Variants in DNAH3 observed in about 807,000 individuals in gnomAD.
DNAH3 encodes the protein axonemal beta dynein heavy chain 3.
Under a neutral mutation model 432.5 loss-of-function variants are expected in DNAH3, and 332 were observed. That is an observed-to-expected ratio of 0.77 (90% CI 0.70 to 0.84). The LOEUF is 0.84. DNAH3 is among the 40% of genes least tolerant of loss of function. DNAH3 has a pLI of 0.00. For missense variants in DNAH3, 4,861 were observed against 5,114.0 expected (o/e 0.95, Z 1.51); for synonymous variants, 1,956 against 1,900.2 (o/e 1.03, Z -0.76).
At chr16:20,972,269 C>T (rs938692732) in intron 51 of DNAH3, among the ~76,000 whole-genome samples, 4 of 151,092 alleles carry the variant, frequency 2.6e-5, no homozygotes, top group African/African-American at 4.9e-5. Flanking sequence ...GATCTTACTC[C>T]GTTGTCCAGG....
chr16:21,100,484 A>G (rs947181352), intron 16 of DNAH3, among the ~76,000 whole-genome samples: 1 of 152,154 alleles, frequency 6.6e-6, no homozygotes, highest in Non-Finnish European at 1.5e-5. Flanking sequence ...TCATTCATTC[A>G]CTCATTAAAA....
chr16:21,106,502 C>T, exon 15 of DNAH3: 1 of 1,604,008 alleles, frequency 6.2e-7, no homozygotes, highest in Non-Finnish European at 8.5e-7. Context: ...GGCAAGTCTG[C>T]ATAGTCCATC....
intron 42 of DNAH3, among the ~76,000 whole-genome samples, chr16:21,001,414 CAG>C (rs1275780320): frequency 3.3e-5 from 5 of 152,178 alleles, no homozygotes; most frequent in Non-Finnish European, 5.9e-5. Flanking sequence ...TGTACAACTA[CAG>C]AGAGTACCAT....
rs1235377286 is a variant in DNAH3 at position 21,022,119 on chromosome 16, A to G, written c.5647-19T>C. On this transcript the variant is annotated intron_variant, in intron 39 of 61. Transcript: ENST00000261383. ...CATTGACCTGAGAGTAGAAACCTCC[A>G]TGAGACTTGGAGACATGATCAACAA... is the stretch of plus-strand genomic sequence containing the variant. 2 of 1,613,440 alleles carry G rather than the reference A, an allele frequency of 1.2e-6. No homozygotes were observed. The highest frequency in any genetic ancestry group is 1.7e-6 in the Non-Finnish European group (2 of 1,179,680).
At position 20,952,554 on chromosome 16, in the gene DNAH3, G is replaced by A. The variant is rs188851172; in HGVS notation, c.11072-5C>T. On this transcript the variant is annotated splice_polypyrimidine_tract_variant and splice_region_variant and intron_variant, in intron 55 of 61. Coordinates refer to ENST00000261383, the Ensembl canonical transcript of DNAH3. ...ATTCATAGGGAATATTCCACCCTGCGTGTGGGAGAGCAGAGAGAGGCTTCA... is the reference window on the plus strand; with the variant it reads ...ATTCATAGGGAATATTCCACCCTGCATGTGGGAGAGCAGAGAGAGGCTTCA... 8.6e-4 allele frequency: 1,346 copies of A among 1,569,520 alleles called. No individual in the cohort carries two copies. The highest frequency in any genetic ancestry group is 3.4e-3 in the Middle Eastern group (20 of 5,846).
exon 35 of DNAH3, chr16:21,036,716 G>C: frequency 6.2e-7 from 1 of 1,613,810 alleles, no homozygotes; most frequent in South Asian, 1.1e-5. Context: ...GAACCAACCT[G>C]GATAATTTTC....
chr16:20,954,708 T>G, intron 55 of DNAH3, 105 bp downstream of exon 55: 2 of 1,301,330 alleles, frequency 1.5e-6, no homozygotes, highest in Non-Finnish European at 2.1e-6. Flanking sequence ...CGTATCTTAC[T>G]GGCAACCCTA....
chr16:21,024,054 G>A (rs79065799), intron 39 of DNAH3, among the ~76,000 whole-genome samples: 5,617 of 152,102 alleles, frequency 0.037, 346 homozygotes, highest in African/African-American at 0.13. Flanking sequence ...GGGTCTGAGA[G>A]TGTGGTCAGG....
chr16:20,941,290 G>A (rs2083798591), intron 59 of DNAH3, 111 bp downstream of exon 59: 18 of 1,324,120 alleles, frequency 1.4e-5, no homozygotes, highest in Middle Eastern at 1.9e-4. Context: ...CCCCTAATAC[G>A]GGTGGGGCAA....
intron 7 of DNAH3, among the ~76,000 whole-genome samples, chr16:21,128,101 C>T (rs1892189040): frequency 6.6e-6 from 1 of 152,014 alleles, no homozygotes; most frequent in South Asian, 2.1e-4. Flanking sequence ...GGGGCTGTGG[C>T]ACCAGCTGGA....
At position 21,141,262 on chromosome 16, in the gene DNAH3, C is replaced by T. The variant is rs542029678; in HGVS notation, c.521+38G>A. 7 of 1,455,026 alleles carry T rather than the reference C, an allele frequency of 4.8e-6. No homozygotes were observed. The East Asian group carries it at 1.2e-4, about 25-fold the overall frequency. 90.1% of individuals were successfully genotyped at this position (1,455,026 alleles called of 1,614,324 possible). ...AGACCACATCCTTCTGTTCAGCCCA[C>T]CGTCCTGCCTTCTCTGGTGCCCACA... On this transcript the variant is annotated intron_variant, in intron 4 of 61. Transcript: ENST00000261383.
At chr16:21,125,313 A>C (rs1335162182) in exon 9 of DNAH3, 22 of 1,613,426 alleles carry the variant, frequency 1.4e-5, no homozygotes, top group Non-Finnish European at 1.8e-5. Flanking sequence ...TCTTGGGAGC[A>C]AAATGAATCC....
chr16:20,950,661 A>C (rs188980852), intron 56 of DNAH3, among the ~76,000 whole-genome samples: 438 of 152,312 alleles, frequency 2.9e-3, no homozygotes, highest in Non-Finnish European at 4.6e-3. Context: ...GGAGCTGAAG[A>C]GGAAATTGGG....
At chr16:21,037,372 A>G (rs1158479062) in intron 34 of DNAH3, among the ~76,000 whole-genome samples, 1 of 152,166 alleles carries the variant, frequency 6.6e-6, no homozygotes, top group African/African-American at 2.4e-5. Context: ...AAAAGTCAGC[A>G]AATATTTAAT....
At chr16:21,001,088 T>G (rs1291820520) in intron 42 of DNAH3, among the ~76,000 whole-genome samples, 1 of 152,202 alleles carries the variant, frequency 6.6e-6, no homozygotes, top group Non-Finnish European at 1.5e-5. Context: ...TTCTGATCTA[T>G]TTTTTACAAC....
intron 10 of DNAH3, among the ~76,000 whole-genome samples, chr16:21,121,624 T>TG (rs1163486077): frequency 6.7e-6 from 1 of 149,228 alleles, no homozygotes; most frequent in Non-Finnish European, 1.5e-5. Flanking sequence ...TTTTTGGAGA[T>TG]GGAGTCTCGC....
At chr16:20,947,474 G>A (rs1446079724) in intron 57 of DNAH3, among the ~76,000 whole-genome samples, 1 of 152,164 alleles carries the variant, frequency 6.6e-6, no homozygotes, top group African/African-American at 2.4e-5. Context: ...GAAGCTGGTT[G>A]GTCAGTTCTT....
In DNAH3 at chr16:21,128,281, CAA is replaced by C. The variant is rs1469829459; in HGVS notation, c.1083-471_1083-470del. 3.9e-5 allele frequency among the ~76,000 whole-genome samples: 6 copies of C among 152,170 alleles called. No homozygotes were observed. In the South Asian group the frequency reaches 1.0e-3, roughly 26 times the overall value. ...CTTTGAGGACTGCTTTGATTTAAAA[CAA>C]AGAGTTTATGGATCCCAGCACTTTG... On this transcript the variant is annotated intron_variant, in intron 7 of 61. Coordinates refer to ENST00000261383, the Ensembl canonical transcript of DNAH3.
At chr16:21,071,546 A>T (rs1443609674) in intron 21 of DNAH3, among the ~76,000 whole-genome samples, 1 of 152,020 alleles carries the variant, frequency 6.6e-6, no homozygotes, top group Non-Finnish European at 1.5e-5. Flanking sequence ...GTAGGAATCT[A>T]TGTCTTGCAG....
Sources: allele counts gnomAD v4.1 joint callset (sites outside exome capture counted in the v4.1 genomes callset), GRCh38; gene constraint gnomAD v4.1.1; transcripts MANE v1.5; gene names NCBI Gene and HGNC (gene_info 2026-07-23, HGNC 2026-07-21).